RB1CC1: variants seen among roughly 807,000 people sequenced by gnomAD.
The protein encoded by RB1CC1 is RB1-inducible coiled-coil protein 1.
In RB1CC1, 46 loss-of-function variants were observed where a neutral mutation model predicts 177.5. The ratio of observed to expected loss-of-function variants is 0.26; its 90% CI spans 0.20 to 0.33. The LOEUF (loss-of-function observed/expected upper bound fraction) is 0.33. Ranked by LOEUF, RB1CC1 falls within the 10% of genes least tolerant of loss-of-function variation. The pLI is 1.00. For synonymous variants in RB1CC1, 666 were observed against 613.6 expected (o/e 1.09, Z -1.26); for missense variants, 1,703 against 1,816.3 (o/e 0.94, Z 1.13).
At chr8:52,698,103 C>G (rs1482344451) in intron 1 of RB1CC1, among the ~76,000 whole-genome samples, 1 of 152,070 alleles carries the variant, frequency 6.6e-6, no homozygotes, top group Non-Finnish European at 1.5e-5. Flanking sequence ...AAGACAAGAT[C>G]TCGTCCTGTC....
At chr8:52,689,975 C>T (rs760418653) in intron 1 of RB1CC1, among the ~76,000 whole-genome samples, 4 of 151,970 alleles carry the variant, frequency 2.6e-5, no homozygotes, top group Non-Finnish European at 4.4e-5. Flanking sequence ...GGAAAGTAGG[C>T]ATAATTATCA....
chr8:52,683,507 G>A (rs567837450), intron 5 of RB1CC1, 42 bp downstream of exon 5: 1 of 1,477,274 alleles, frequency 6.8e-7, no homozygotes, highest in Admixed American at 2.3e-5. Context: ...AGATCCGAAT[G>A]CTTTTAGAAA....
chr8:52,635,314 T>C (rs1590925470), intron 19 of RB1CC1, among the ~76,000 whole-genome samples: 1 of 152,168 alleles, frequency 6.6e-6, no homozygotes, highest in Non-Finnish European at 1.5e-5. Flanking sequence ...GTAACATACA[T>C]CTCAGGTTAT....
chr8:52,667,092 C>T (rs1361182493), intron 8 of RB1CC1, among the ~76,000 whole-genome samples: 1 of 151,980 alleles, frequency 6.6e-6, no homozygotes, highest in Non-Finnish European at 1.5e-5. Context: ...TGCTAAAAAC[C>T]AAACAGAAGG....
intron 1 of RB1CC1, among the ~76,000 whole-genome samples, chr8:52,692,445 T>C (rs746634090): frequency 3.3e-5 from 5 of 152,190 alleles, no homozygotes; most frequent in African/African-American, 4.8e-5. Flanking sequence ...ATAGCTTCCA[T>C]TGACTGGAAA....
At chr8:52,695,816 A>G (rs879893538) in intron 1 of RB1CC1, among the ~76,000 whole-genome samples, 4 of 152,114 alleles carry the variant, frequency 2.6e-5, no homozygotes, top group Non-Finnish European at 4.4e-5. Flanking sequence ...TCTTATAATA[A>G]AAGTGTAATT....
chr8:52,650,426 G>A (rs62499946), intron 15 of RB1CC1, among the ~76,000 whole-genome samples: 3,813 of 152,302 alleles, frequency 0.025, 77 homozygotes, highest in Non-Finnish European at 0.034. Flanking sequence ...ACTGACGAAA[G>A]TCTTCAAAGA....
chr8:52,643,557 C>T (rs935332670), intron 16 of RB1CC1, among the ~76,000 whole-genome samples: 4 of 151,878 alleles, frequency 2.6e-5, no homozygotes, highest in African/African-American at 9.7e-5. Context: ...GGTGTGGTGG[C>T]ACATGCCTGT....
intron 15 of RB1CC1, among the ~76,000 whole-genome samples, chr8:52,653,658 G>A (rs571399439): frequency 1.2e-4 from 19 of 152,182 alleles, no homozygotes; most frequent in Middle Eastern, 3.4e-3. Flanking sequence ...TTCCCTCATC[G>A]AGACAGGAAC....
intron 8 of RB1CC1, 48 bp downstream of exon 8, chr8:52,667,973 C>G: frequency 6.4e-7 from 1 of 1,563,108 alleles, no homozygotes; most frequent in Non-Finnish European, 8.7e-7. Context: ...AACATGTGTA[C>G]AAAAAAACTA....
chr8:52,687,522 A>G (rs1854378800), intron 1 of RB1CC1, among the ~76,000 whole-genome samples: 1 of 152,218 alleles, frequency 6.6e-6, no homozygotes, highest in Admixed American at 6.5e-5. Flanking sequence ...ACTTAAGATT[A>G]TAACTCCCAT....
intron 18 of RB1CC1, among the ~76,000 whole-genome samples, chr8:52,639,528 T>C (rs1367280153): frequency 2.0e-5 from 3 of 152,208 alleles, no homozygotes; most frequent in African/African-American, 4.8e-5. Flanking sequence ...ACAGCTGGCA[T>C]TGTGTTCTTC....
chr8:52,714,083 GCCT>G lies in RB1CC1; in HGVS notation c.-178_-176del, dbSNP rs1020185546. The stretch of plus-strand genomic sequence containing the variant: ...GCGGCGGCGACACTTACCCGGCAAC[GCCT>G]CCTCCTTCGCCGGCGGCAGCAGCAG... On this transcript the variant is annotated 5_prime_UTR_variant, in exon 1 of 24. Coordinates refer to ENST00000025008, the MANE Select transcript of RB1CC1 (RefSeq NM_014781.5). 3.1e-5 allele frequency: 11 copies of G among 353,028 alleles called. No homozygotes were observed. Among genetic ancestry groups the G allele is most frequent in the African/African-American group, 2.5e-4 (11 of 44,506 alleles). The allele number at this position is 353,028 out of a possible 1,614,324, so 21.9% of individuals were successfully genotyped here.
chr8:52,689,611 T>C lies in RB1CC1; in HGVS notation c.-166-2644A>G, dbSNP rs142508610. On this transcript the variant is annotated intron_variant, in intron 1 of 23. Transcript: ENST00000025008. Reference sequence around the variant, plus strand: ...TGACAATAACACCTAAGACAGCAAATATAATATGCTCTTCCTTTCCACCAC... The same window carrying C: ...TGACAATAACACCTAAGACAGCAAACATAATATGCTCTTCCTTTCCACCAC... Among the ~76,000 whole-genome samples the C allele has an allele frequency of 3.9e-5, 6 of 152,242 alleles. No individual in the cohort carries two copies. The East Asian group carries it at 1.2e-3, about 29-fold the overall frequency.
rs775020996 is a variant in RB1CC1, at chr8:52,636,058, T to G, written c.4349A>C (p.His1450Pro). ...TSMMSVQENI[H>P]MLSEEKQRIM... ...CCGCTGTTTTTCTTCAGACAACATA[T>G]GAATATTTTCTCTAAAAGTGAGAAT... The change falls in exon 19 of 24, where the codon CAT (histidine) becomes CCT (proline). Residue 1450 changes from histidine to proline, a missense_variant. His to Pro is a moderately conservative substitution (Grantham distance 77). Coordinates refer to ENST00000025008, the MANE Select transcript of RB1CC1 (RefSeq NM_014781.5). The G allele has an allele frequency of 1.2e-6, 2 of 1,605,868 alleles. No individual in the cohort carries two copies. The highest frequency in any genetic ancestry group is 1.7e-5 in the Admixed American group (1 of 58,522).
intron 5 of RB1CC1, among the ~76,000 whole-genome samples, chr8:52,681,393 A>G (rs1040725967): frequency 1.3e-5 from 2 of 152,196 alleles, no homozygotes; most frequent in East Asian, 1.9e-4. Flanking sequence ...ACAAAAATCT[A>G]TTCTTAAATT....
At chr8:52,661,336 T>C in intron 9 of RB1CC1, 55 bp from the exon 10 acceptor site, 3 of 1,574,258 alleles carry the variant, frequency 1.9e-6, no homozygotes, top group Non-Finnish European at 2.6e-6. Context: ...CTAACTTAGT[T>C]ACTTACTTAG....
chr8:52,692,365 A>G (rs2150641947), intron 1 of RB1CC1, among the ~76,000 whole-genome samples: 1 of 152,300 alleles, frequency 6.6e-6, no homozygotes, highest in East Asian at 1.9e-4. Context: ...AAAAACAAAC[A>G]TGAAGTTCCA....
chr8:52,636,618 G>A (rs949752800), intron 18 of RB1CC1, among the ~76,000 whole-genome samples: 1 of 152,146 alleles, frequency 6.6e-6, no homozygotes, highest in African/African-American at 2.4e-5. Context: ...CTTGATGCAA[G>A]GCAGGTATTC....
Sources: gnomAD v4.1 joint callset for allele counts (sites outside exome capture counted in the v4.1 genomes callset) on GRCh38, gnomAD v4.1.1 for gene constraint, MANE v1.5 for transcripts, NCBI Gene and HGNC (gene_info 2026-07-23, HGNC 2026-07-21) for gene names.